Variants in ASTN2 observed in about 807,000 individuals in gnomAD.
ASTN2 encodes astrotactin 2, also known as astrotactin-2.
Under a neutral mutation model 139.8 loss-of-function variants are expected in ASTN2, and 54 were observed. The ratio of observed to expected loss-of-function variants is 0.39; its 90% CI spans 0.31 to 0.48. ASTN2 has a LOEUF of 0.48. ASTN2 is among the 20% of genes least tolerant of loss of function. The pLI, the probability that ASTN2 is intolerant of heterozygous loss-of-function variation, is 0.95. For missense variants in ASTN2, 1,565 were observed against 1,725.1 expected (o/e 0.91, Z 1.64); for synonymous variants, 756 against 719.5 (o/e 1.05, Z -0.81).
At chr9:117,375,462 G>A (rs1459591092) in intron 1 of ASTN2, among the ~76,000 whole-genome samples, 1 of 152,206 alleles carries the variant, frequency 6.6e-6, no homozygotes, top group Non-Finnish European at 1.5e-5. Context: ...GTAGGTCAAG[G>A]AAAATAATAA....
intron 5 of ASTN2, among the ~76,000 whole-genome samples, chr9:117,089,675 C>T (rs1281943134): frequency 5.3e-5 from 8 of 151,256 alleles, no homozygotes; most frequent in Admixed American, 5.3e-4. Flanking sequence ...TATCCCTCGC[C>T]CCCCTCCCAC....
intron 12 of ASTN2, 52 bp from the exon 13 acceptor site, chr9:116,805,872 T>C (rs759339204): frequency 1.8e-5 from 29 of 1,573,928 alleles, no homozygotes; most frequent in Non-Finnish European, 2.2e-5. Flanking sequence ...AATGCCCCCA[T>C]TGGGGGTGAC....
chr9:116,778,528 A>T (rs1180120610), intron 13 of ASTN2, among the ~76,000 whole-genome samples: 1 of 152,180 alleles, frequency 6.6e-6, no homozygotes, highest in African/African-American at 2.4e-5. Context: ...ATTGCTGAAG[A>T]TACCCTCCAT....
At chr9:116,975,408 G>C in intron 9 of ASTN2, 63 bp from the exon 10 acceptor site, 1 of 1,497,754 alleles carries the variant, frequency 6.7e-7, no homozygotes, top group Non-Finnish European at 8.9e-7. Context: ...AGAAAAAAGG[G>C]GCCCCTGTTC....
At chr9:116,870,347 A>T (rs1188448843) in intron 10 of ASTN2, among the ~76,000 whole-genome samples, 2 of 152,128 alleles carry the variant, frequency 1.3e-5, no homozygotes, top group African/African-American at 4.8e-5. Flanking sequence ...AGCTCTGTAG[A>T]TGACTATGAG....
intron 3 of ASTN2, among the ~76,000 whole-genome samples, chr9:117,198,826 C>A (rs1460458727): frequency 1.3e-5 from 2 of 152,070 alleles, no homozygotes; most frequent in Non-Finnish European, 2.9e-5. Flanking sequence ...TAATAATTGC[C>A]ATTCTGACTG....
intron 19 of ASTN2, among the ~76,000 whole-genome samples, chr9:116,532,295 C>T (rs1381927449): frequency 6.6e-6 from 1 of 152,142 alleles, no homozygotes; most frequent in Non-Finnish European, 1.5e-5. Context: ...CAAAAATTTT[C>T]TCCCATTCTG....
intron 10 of ASTN2, among the ~76,000 whole-genome samples, chr9:116,866,706 T>G (rs1291451049): frequency 1.3e-5 from 2 of 151,992 alleles, no homozygotes; most frequent in Admixed American, 1.3e-4. Flanking sequence ...AGGACTATCC[T>G]GGCTAACATG....
At chr9:116,510,699 C>T (rs1032521937) in intron 19 of ASTN2, among the ~76,000 whole-genome samples, 2 of 152,106 alleles carry the variant, frequency 1.3e-5, no homozygotes, top group African/African-American at 4.8e-5. Context: ...TTGCAGTTCT[C>T]CTTGAAGAGG....
intron 19 of ASTN2, chr9:116,583,022 C>CT (rs1481301451): frequency 6.6e-6 from 1 of 152,206 alleles, no homozygotes; most frequent in Non-Finnish European, 1.5e-5. Context: ...TCTCCTGGAG[C>CT]TTGCAGATAT....
intron 16 of ASTN2, among the ~76,000 whole-genome samples, chr9:116,713,869 C>T (rs1828239136): frequency 6.6e-6 from 1 of 152,194 alleles, no homozygotes; most frequent in Admixed American, 6.5e-5. Flanking sequence ...AGTGAATTCT[C>T]AGTACATGGC....
chr9:116,942,649 C>T (rs115407073), intron 10 of ASTN2, among the ~76,000 whole-genome samples: 164 of 152,316 alleles, frequency 1.1e-3, no homozygotes, highest in African/African-American at 3.5e-3. Context: ...CTGAAAGGAA[C>T]GGATCGTGAG....
intron 4 of ASTN2, among the ~76,000 whole-genome samples, chr9:117,098,691 C>T (rs1434760673): frequency 1.3e-5 from 2 of 151,704 alleles, no homozygotes; most frequent in Non-Finnish European, 2.9e-5. Flanking sequence ...TGGCAGGGAC[C>T]TCATGGAGAT....
chr9:116,871,921 C>T (rs1588371670), intron 10 of ASTN2, among the ~76,000 whole-genome samples: 1 of 152,198 alleles, frequency 6.6e-6, no homozygotes, highest in Non-Finnish European at 1.5e-5. Flanking sequence ...TGGAGTCAGA[C>T]TGCCCTGAGG....
chr9:117,024,414 T>A (rs1010217855), intron 6 of ASTN2, among the ~76,000 whole-genome samples: 348 of 143,606 alleles, frequency 2.4e-3, no homozygotes, highest in Non-Finnish European at 3.2e-3. Flanking sequence ...TTGTTTTTTT[T>A]TAAAAAGTTA....
At chr9:117,146,666 G>C (rs1830204913) in intron 3 of ASTN2, among the ~76,000 whole-genome samples, 1 of 152,068 alleles carries the variant, frequency 6.6e-6, no homozygotes, top group South Asian at 2.1e-4. Flanking sequence ...AGAAGTTCAT[G>C]GTGAGGGATA....
intron 1 of ASTN2, among the ~76,000 whole-genome samples, chr9:117,348,966 G>T (rs1829307897): frequency 6.6e-6 from 1 of 151,276 alleles, no homozygotes; most frequent in East Asian, 2.0e-4. Context: ...AAGAAGAATT[G>T]CTGGAAAAGG....
At chr9:116,833,139 T>C (rs1161569573) in intron 11 of ASTN2, among the ~76,000 whole-genome samples, 3 of 152,196 alleles carry the variant, frequency 2.0e-5, no homozygotes, top group South Asian at 4.1e-4. Context: ...TGTGGTAGTT[T>C]GTGTTTTTAA....
At position 117,319,150 on chromosome 9, in the gene ASTN2, T is replaced by A. The variant is rs75310474; in HGVS notation, c.443-27637A>T. Among the ~76,000 whole-genome samples the A allele has an allele frequency of 7.4e-3, 1,120 of 152,342 alleles. 13 individuals are homozygous for A. Among genetic ancestry groups the A allele is most frequent in the African/African-American group, 0.025 (1,040 of 41,580 alleles). On this transcript the variant is annotated intron_variant, in intron 1 of 22. Transcript: ENST00000313400. Reference sequence around the variant, plus strand: ...CTCTTTGTATGGATGAGCTTTTTTTTATTAAATATGTAGTGAGGCCCCATA... The same window carrying A: ...CTCTTTGTATGGATGAGCTTTTTTTAATTAAATATGTAGTGAGGCCCCATA...
Sources: gnomAD v4.1 joint callset for allele counts (sites outside exome capture counted in the v4.1 genomes callset) on GRCh38, gnomAD v4.1.1 for gene constraint, MANE v1.5 for transcripts, NCBI Gene and HGNC (gene_info 2026-07-23, HGNC 2026-07-21) for gene names.